The following PTPRC variants were observed in gnomAD, a reference collection of about 807,000 sequenced individuals.
PTPRC encodes the protein protein tyrosine phosphatase receptor type C, also known as receptor-type tyrosine-protein phosphatase C.
In PTPRC, 44 loss-of-function variants were observed where a neutral mutation model predicts 155.9. The ratio of observed to expected loss-of-function variants is 0.28; its 90% CI spans 0.22 to 0.36. The LOEUF (loss-of-function observed/expected upper bound fraction) is 0.36, where lower values mean the gene tolerates loss of function less well. Among genes scored for constraint, PTPRC ranks in the 10% least tolerant of loss-of-function variants. PTPRC has a pLI of 1.00. For synonymous variants in PTPRC, 525 were observed against 533.1 expected (o/e 0.98, Z 0.21); for missense variants, 1,401 against 1,564.6 (o/e 0.90, Z 1.76).
At chr1:198,668,208 C>CT (rs542208883) in intron 2 of PTPRC, among the ~76,000 whole-genome samples, 7 of 151,282 alleles carry the variant, frequency 4.6e-5, no homozygotes, top group South Asian at 4.2e-4. Flanking sequence ...GGTGTGATGT[C>CT]TTTTTTTTTA....
At chr1:198,732,247 G>A in intron 18 of PTPRC, 53 bp from the exon 19 acceptor site, 1 of 1,378,370 alleles carries the variant, frequency 7.3e-7, no homozygotes. Flanking sequence ...TGGTAAGGGG[G>A]AAATTATTTT....
chr1:198,723,457 GTTCT>G lies in PTPRC; in HGVS notation c.1720+986_1720+989del, dbSNP rs543240247. ...TTACTAAGCCCTCTGCAAAGTTTTA[GTTCT>G]TTCTGCTCAGATTTATGAAATAAAA... On this transcript the variant is annotated intron_variant, in intron 15 of 32. Coordinates refer to ENST00000442510, the MANE Select transcript of PTPRC (RefSeq NM_002838.5). Among the ~76,000 whole-genome samples, 561 of 152,224 alleles carry G rather than the reference GTTCT, an allele frequency of 3.7e-3. 4 individuals are homozygous for G. Among genetic ancestry groups the G allele is most frequent in the African/African-American group, 0.012 (515 of 41,546 alleles).
At chr1:198,680,295 A>G (rs2102327599) in intron 2 of PTPRC, among the ~76,000 whole-genome samples, 1 of 152,312 alleles carries the variant, frequency 6.6e-6, no homozygotes, top group Non-Finnish European at 1.5e-5. Context: ...TCTACTGAAA[A>G]TACAAATATT....
intron 29 of PTPRC, 41 bp from the exon 30 acceptor site, chr1:198,752,208 C>CAAAT (rs1655415105): frequency 6.3e-7 from 1 of 1,594,480 alleles, no homozygotes; most frequent in Admixed American, 1.7e-5. Flanking sequence ...TTGCATATTT[C>CAAAT]AAATAGGAAA....
At chr1:198,693,970 G>A in intron 3 of PTPRC, 1 of 1,532,016 alleles carries the variant, frequency 6.5e-7, no homozygotes, top group Admixed American at 2.0e-5. Flanking sequence ...TATATGAGGG[G>A]TAGTTTATGT....
At position 198,662,469 on chromosome 1, in the gene PTPRC, TGTGTGTGTGA is replaced by T. The variant is rs746955654; in HGVS notation, c.73+23130_73+23139del. Among the ~76,000 whole-genome samples the T allele has an allele frequency of 2.1e-3, 279 of 130,468 alleles. 1 individual carries two copies. The highest frequency in any genetic ancestry group is 0.014 in the Middle Eastern group (4 of 276). 85.6% of individuals were successfully genotyped at this position (130,468 alleles called of 152,430 possible). A position where few individuals can be genotyped will look rare whatever the true frequency, so the allele number is the denominator to read the frequency against. On this transcript the variant is annotated intron_variant, in intron 2 of 32. Coordinates refer to ENST00000442510, the MANE Select transcript of PTPRC (RefSeq NM_002838.5). ...CTGTGTGTGTGTGTGTGTGTGTGTGTGTGTGTGTGAGAGTGTGTGTGTATAAACATGAGAC... is the reference window on the plus strand; with the variant it reads ...CTGTGTGTGTGTGTGTGTGTGTGTGTGAGTGTGTGTGTATAAACATGAGAC...
At chr1:198,717,103 A>C (rs890515774) in intron 13 of PTPRC, among the ~76,000 whole-genome samples, 4 of 152,244 alleles carry the variant, frequency 2.6e-5, no homozygotes, top group Admixed American at 6.5e-5. Context: ...AATTTCATGC[A>C]GTTAAGTACT....
At chr1:198,751,195 C>T (rs964567728) in intron 29 of PTPRC, among the ~76,000 whole-genome samples, 5 of 152,028 alleles carry the variant, frequency 3.3e-5, no homozygotes, top group Admixed American at 1.3e-4. Context: ...GTATCTATAT[C>T]ATCCTTTCTT....
chr1:198,743,900 T>G (rs1360045855), intron 25 of PTPRC, among the ~76,000 whole-genome samples, 154 bp from the exon 26 acceptor site: 1 of 151,854 alleles, frequency 6.6e-6, no homozygotes, highest in Non-Finnish European at 1.5e-5. Flanking sequence ...GAGAGTGAAC[T>G]TCCAGAATAT....
intron 2 of PTPRC, among the ~76,000 whole-genome samples, chr1:198,675,354 C>A (rs1246637653): frequency 2.0e-5 from 3 of 152,144 alleles, no homozygotes; most frequent in Non-Finnish European, 4.4e-5. Flanking sequence ...AAAACTTTCT[C>A]ATTAAATGTG....
At chr1:198,699,004 T>C (rs561543601) in intron 4 of PTPRC, among the ~76,000 whole-genome samples, 2 of 152,302 alleles carry the variant, frequency 1.3e-5, no homozygotes, top group South Asian at 4.1e-4. Context: ...AAACACTAGA[T>C]ATTATCAACC....
intron 2 of PTPRC, among the ~76,000 whole-genome samples, chr1:198,681,040 G>T (rs972078894): frequency 2.6e-5 from 4 of 152,138 alleles, no homozygotes; most frequent in Non-Finnish European, 5.9e-5. Context: ...ATAAGACAAT[G>T]TATCAAATAG....
chr1:198,646,007 A>C (rs1440431570), intron 2 of PTPRC, among the ~76,000 whole-genome samples: 2 of 151,780 alleles, frequency 1.3e-5, no homozygotes, highest in Admixed American at 1.3e-4. Context: ...TATTGGTAGA[A>C]AATATACTGA....
intron 2 of PTPRC, among the ~76,000 whole-genome samples, chr1:198,654,199 T>A (rs962422589): frequency 6.6e-6 from 1 of 151,896 alleles, no homozygotes; most frequent in Non-Finnish European, 1.5e-5. Flanking sequence ...GAGCCACAGA[T>A]GTTTTCCTTT....
At chr1:198,753,969 A>G (rs538271661) in intron 31 of PTPRC, among the ~76,000 whole-genome samples, 1 of 152,200 alleles carries the variant, frequency 6.6e-6, no homozygotes, top group South Asian at 2.1e-4. Context: ...TATTGGTTTC[A>G]ACAACTTCAG....
rs768860009 is a variant in PTPRC at position 198,731,743 on chromosome 1, T to G, written c.1974+17T>G. 1.3e-6 allele frequency: 2 copies of G among 1,540,220 alleles called. No individual in the cohort carries two copies. The highest frequency in any genetic ancestry group is 1.8e-6 in the Non-Finnish European group (2 of 1,113,584). On this transcript the variant is annotated intron_variant, in intron 18 of 32. Coordinates refer to ENST00000442510, the MANE Select transcript of PTPRC (RefSeq NM_002838.5). ...GAATTTCAGGTGTGTGTTGCTTTTG[T>G]TATATGATGATAAATTCGACATCAA... is the stretch of plus-strand genomic sequence containing the variant.
chr1:198,694,545 T>C (rs1250797151), intron 3 of PTPRC: 3 of 990,390 alleles, frequency 3.0e-6, no homozygotes, highest in East Asian at 2.2e-4. Context: ...AGAGTGAGAG[T>C]GGACGATAAA....
At chr1:198,719,696 C>T (rs542723032) in intron 14 of PTPRC, among the ~76,000 whole-genome samples, 129 of 151,908 alleles carry the variant, frequency 8.5e-4, no homozygotes, top group Admixed American at 2.5e-3. Flanking sequence ...CTGCAACCTC[C>T]GCCTCCCGGG....
chr1:198,712,861 T>C (rs891568644), intron 11 of PTPRC, 92 bp from the exon 12 acceptor site: 21 of 1,317,200 alleles, frequency 1.6e-5, no homozygotes, highest in Non-Finnish European at 2.1e-5. Context: ...TTTGTCAAAA[T>C]ATGGTTATCA....
Sources: gnomAD v4.1 joint callset for allele counts (sites outside exome capture counted in the v4.1 genomes callset) on GRCh38, gnomAD v4.1.1 for gene constraint, MANE v1.5 for transcripts, NCBI Gene and HGNC (gene_info 2026-07-23, HGNC 2026-07-21) for gene names.